CCBE1: variants seen among roughly 807,000 people sequenced by gnomAD.
The protein encoded by CCBE1 is collagen and calcium binding EGF domains 1, also known as collagen and calcium-binding EGF domain-containing protein 1.
A neutral mutation model predicts 50.0 loss-of-function variants in CCBE1; 37 were observed. The ratio of observed to expected loss-of-function variants is 0.74; its 90% CI spans 0.57 to 0.97. CCBE1 has a LOEUF of 0.97. Ranked by LOEUF, CCBE1 falls within the 50% of genes least tolerant of loss-of-function variation. The pLI is 0.00. For synonymous variants in CCBE1, 234 were observed against 203.7 expected, an observed-to-expected ratio of 1.15 and a Z score of -1.27; for missense variants, 538 against 523.8, an observed-to-expected ratio of 1.03 and a Z score of -0.26.
At chr18:59,578,646 A>G (rs2053037602) in intron 2 of CCBE1, among the ~76,000 whole-genome samples, 1 of 152,240 alleles carries the variant, frequency 6.6e-6, no homozygotes. Context: ...CGTCCTTTGC[A>G]GGGACATGAA....
At chr18:59,535,399 G>A (rs896164698) in intron 2 of CCBE1, among the ~76,000 whole-genome samples, 8 of 152,222 alleles carry the variant, frequency 5.3e-5, no homozygotes, top group South Asian at 4.2e-4. Flanking sequence ...CGGCATTACC[G>A]GGTGTTAGTG....
chr18:59,666,473 G>A (rs2054358718), intron 2 of CCBE1, among the ~76,000 whole-genome samples: 2 of 152,146 alleles, frequency 1.3e-5, no homozygotes, highest in African/African-American at 4.8e-5. Context: ...AAGGATACAG[G>A]CTGGCAGCAT....
intron 2 of CCBE1, among the ~76,000 whole-genome samples, chr18:59,635,963 G>C (rs906129915): frequency 1.2e-4 from 19 of 152,212 alleles, no homozygotes; most frequent in Admixed American, 3.9e-4. Flanking sequence ...AGGAGTTCAA[G>C]ACCAGCCTGG....
At chr18:59,449,576 C>T (rs1048403879) in intron 6 of CCBE1, among the ~76,000 whole-genome samples, 26 of 145,406 alleles carry the variant, frequency 1.8e-4, no homozygotes, top group African/African-American at 4.9e-4. Context: ...GAGCCGAGAT[C>T]GCACCACTGC....
At chr18:59,677,209 GGA>G (rs1015069589) in intron 2 of CCBE1, among the ~76,000 whole-genome samples, 26 of 152,292 alleles carry the variant, frequency 1.7e-4, no homozygotes, top group African/African-American at 5.8e-4. Context: ...ATGATGTCGT[GGA>G]GAGAGATAGC....
intron 2 of CCBE1, among the ~76,000 whole-genome samples, chr18:59,583,164 T>C (rs1482299853): frequency 6.6e-6 from 1 of 152,186 alleles, no homozygotes; most frequent in Non-Finnish European, 1.5e-5. Flanking sequence ...GTTGGATTCA[T>C]CACCTGAACT....
chr18:59,683,252 C>T (rs1310627130), intron 2 of CCBE1, among the ~76,000 whole-genome samples: 7 of 152,214 alleles, frequency 4.6e-5, no homozygotes, highest in Non-Finnish European at 8.8e-5. Flanking sequence ...CAAACGCAGA[C>T]ATCACCTCAA....
chr18:59,566,015 A>T (rs951467716), intron 2 of CCBE1, among the ~76,000 whole-genome samples: 1 of 152,176 alleles, frequency 6.6e-6, no homozygotes, highest in Admixed American at 6.5e-5. Flanking sequence ...GTTAAAGCTC[A>T]CTGCAGTAGG....
At chr18:59,642,541 A>C (rs1444381164) in intron 2 of CCBE1, among the ~76,000 whole-genome samples, 1 of 152,238 alleles carries the variant, frequency 6.6e-6, no homozygotes, top group Admixed American at 6.5e-5. Flanking sequence ...GCAGTGTCAT[A>C]AATGCAAAAC....
chr18:59,573,278 C>T (rs1205781631), intron 2 of CCBE1, among the ~76,000 whole-genome samples: 1 of 53,650 alleles, frequency 1.9e-5, no homozygotes, highest in African/African-American at 1.0e-4. Context: ...TAGTGAGACT[C>T]CGTCTAATAT....
At chr18:59,659,563 C>T (rs567537119) in intron 2 of CCBE1, among the ~76,000 whole-genome samples, 6 of 152,152 alleles carry the variant, frequency 3.9e-5, no homozygotes, top group South Asian at 4.2e-4. Flanking sequence ...AACAACATCA[C>T]GAAACAAAAT....
intron 2 of CCBE1, among the ~76,000 whole-genome samples, chr18:59,611,839 C>T (rs2053573173): frequency 1.3e-5 from 2 of 152,146 alleles, no homozygotes; most frequent in Non-Finnish European, 2.9e-5. Flanking sequence ...GAAACTGAGC[C>T]TGAGACTTAC....
At chr18:59,697,079 T>C (rs1201648688) in intron 1 of CCBE1, 133 bp downstream of exon 1, 178 of 1,263,428 alleles carry the variant, frequency 1.4e-4, no homozygotes, top group Non-Finnish European at 8.8e-6. Flanking sequence ...AGCTGAGCAC[T>C]CTCCTTATCC....
Position 59,670,306 on chromosome 18 carries a change from T to C in CCBE1, c.212+26323A>G, listed in dbSNP as rs963467417. ...GAAATGGACACTCTTGCAGGAATGA[T>C]TTGGGGAAGAAAAGTCAATATATAA... On this transcript the variant is annotated intron_variant, in intron 2 of 10. Transcript: ENST00000439986. Among the ~76,000 whole-genome samples, 4 of 152,184 alleles carry C rather than the reference T, an allele frequency of 2.6e-5. No homozygotes were observed. The East Asian group carries it at 7.7e-4, about 29-fold the overall frequency.
chr18:59,601,010 G>GTTTTTTTTTTGTTTTTTT (rs2053421267), intron 2 of CCBE1, among the ~76,000 whole-genome samples: 1 of 58,004 alleles, frequency 1.7e-5, no homozygotes, highest in Admixed American at 2.5e-4. Context: ...CTATGTGTCA[G>GTTTTTTTTTTGTTTTTTT]TTTTTTTTTT....
chr18:59,629,068 T>C (rs570518916), intron 2 of CCBE1, among the ~76,000 whole-genome samples: 1 of 152,154 alleles, frequency 6.6e-6, no homozygotes, highest in African/African-American at 2.4e-5. Flanking sequence ...GGGACATACA[T>C]GAGATCCTGT....
intron 2 of CCBE1, among the ~76,000 whole-genome samples, chr18:59,507,291 C>T (rs949179108): frequency 2.0e-5 from 3 of 152,218 alleles, no homozygotes; most frequent in Admixed American, 6.5e-5. Flanking sequence ...CTGCTTCTCA[C>T]CTATGTCTCT....
At chr18:59,653,494 C>T (rs903569054) in intron 2 of CCBE1, among the ~76,000 whole-genome samples, 1 of 152,176 alleles carries the variant, frequency 6.6e-6, no homozygotes, top group African/African-American at 2.4e-5. Flanking sequence ...TCACCCTGTG[C>T]CAAACAGGAC....
chr18:59,580,798 G>A (rs1241777208), intron 2 of CCBE1, among the ~76,000 whole-genome samples: 1 of 152,162 alleles, frequency 6.6e-6, no homozygotes, highest in Non-Finnish European at 1.5e-5. Flanking sequence ...ACTTCCTGTG[G>A]AAGAAGTCTA....
Sources: allele counts gnomAD v4.1 joint callset (sites outside exome capture counted in the v4.1 genomes callset), GRCh38; gene constraint gnomAD v4.1.1; transcripts MANE v1.5; gene names NCBI Gene and HGNC (gene_info 2026-07-23, HGNC 2026-07-21).